TMEM108: variants seen among roughly 807,000 people sequenced by gnomAD.
TMEM108 encodes transmembrane protein 108.
TMEM108 carries 12 observed loss-of-function variants against 35.1 expected under a neutral mutation model. The ratio of observed to expected loss-of-function variants is 0.34; its 90% CI spans 0.22 to 0.55. The LOEUF (loss-of-function observed/expected upper bound fraction) is 0.55, where lower values mean the gene tolerates loss of function less well. TMEM108 is among the 20% of genes least tolerant of loss of function. TMEM108 has a pLI of 0.89. For synonymous variants in TMEM108, 287 were observed against 308.6 expected (o/e 0.93, Z 0.73); for missense variants, 680 against 753.3 (o/e 0.90, Z 1.14).
intron 2 of TMEM108, among the ~76,000 whole-genome samples, chr3:133,094,619 G>A (rs1405341260): frequency 1.3e-5 from 2 of 152,158 alleles, no homozygotes; most frequent in East Asian, 1.9e-4. Context: ...ATGGCACCCA[G>A]TAGACTTCTT....
intron 3 of TMEM108, among the ~76,000 whole-genome samples, chr3:133,259,519 A>G (rs2107674556): frequency 6.6e-6 from 1 of 152,376 alleles, no homozygotes; most frequent in East Asian, 1.9e-4. Flanking sequence ...CTGAGACTCA[A>G]TAAGGTTAAA....
chr3:133,056,273 G>T (rs1439442968), intron 2 of TMEM108, among the ~76,000 whole-genome samples: 2 of 152,054 alleles, frequency 1.3e-5, no homozygotes, highest in Non-Finnish European at 2.9e-5. Context: ...ACTGGTCCTT[G>T]GTCCCGTTCT....
chr3:133,213,860 T>C (rs1241187614), intron 2 of TMEM108, among the ~76,000 whole-genome samples: 1 of 152,186 alleles, frequency 6.6e-6, no homozygotes, highest in Non-Finnish European at 1.5e-5. Flanking sequence ...CTCAGATTCC[T>C]TTTAAAGAAG....
intron 2 of TMEM108, among the ~76,000 whole-genome samples, chr3:133,098,428 A>G (rs1460273387): frequency 1.3e-5 from 2 of 152,092 alleles, no homozygotes; most frequent in Non-Finnish European, 2.9e-5. Flanking sequence ...AAACCATATC[A>G]TTTTGCCCTT....
chr3:133,133,713 C>T (rs868400787), intron 2 of TMEM108, among the ~76,000 whole-genome samples: 11 of 140,446 alleles, frequency 7.8e-5, no homozygotes, highest in African/African-American at 2.4e-4. Context: ...TTTTTTTAGA[C>T]GGAGTCTCGC....
At chr3:133,374,368 A>G (rs776555898) in intron 3 of TMEM108, among the ~76,000 whole-genome samples, 7 of 152,186 alleles carry the variant, frequency 4.6e-5, no homozygotes, top group Non-Finnish European at 1.0e-4. Context: ...AATATCTTGC[A>G]GTAGAAAACC....
chr3:133,268,946 G>A (rs1250584350), intron 3 of TMEM108, among the ~76,000 whole-genome samples: 1 of 152,184 alleles, frequency 6.6e-6, no homozygotes, highest in Non-Finnish European at 1.5e-5. Flanking sequence ...TAACTACTGG[G>A]CTTCACACAG....
At chr3:133,254,713 A>G (rs1946520947) in intron 3 of TMEM108, among the ~76,000 whole-genome samples, 2 of 152,222 alleles carry the variant, frequency 1.3e-5, no homozygotes, top group African/African-American at 4.8e-5. Flanking sequence ...CTCATAATCT[A>G]TTAATGTTTA....
chr3:133,374,816 A>C (rs1048295786), intron 3 of TMEM108, among the ~76,000 whole-genome samples: 10 of 152,226 alleles, frequency 6.6e-5, no homozygotes, highest in Non-Finnish European at 1.2e-4. Context: ...AAGACAGAAG[A>C]AAAGTCAAGA....
chr3:133,079,571 C>G (rs1022291484), intron 2 of TMEM108, among the ~76,000 whole-genome samples: 3 of 152,180 alleles, frequency 2.0e-5, no homozygotes, highest in African/African-American at 7.2e-5. Flanking sequence ...TGGAGTCCCT[C>G]TTACAAGGGC....
intron 3 of TMEM108, chr3:133,253,487 T>C (rs1005412789): frequency 5.3e-5 from 8 of 152,128 alleles, no homozygotes; most frequent in African/African-American, 1.9e-4. Context: ...CAGAATGTCA[T>C]CAGATCTGCA....
chr3:133,212,058 C>G (rs1945841158), intron 2 of TMEM108, among the ~76,000 whole-genome samples: 1 of 152,158 alleles, frequency 6.6e-6, no homozygotes. Context: ...GGAGGACTTG[C>G]AGAATGCAGG....
At chr3:133,225,864 A>G (rs374296135) in intron 2 of TMEM108, among the ~76,000 whole-genome samples, 2 of 152,360 alleles carry the variant, frequency 1.3e-5, no homozygotes, top group African/African-American at 4.8e-5. Context: ...TGAAAAAACC[A>G]AACTCCATAA....
At chr3:133,092,267 C>A (rs1328828640) in intron 2 of TMEM108, among the ~76,000 whole-genome samples, 1 of 152,196 alleles carries the variant, frequency 6.6e-6, no homozygotes, top group Non-Finnish European at 1.5e-5. Flanking sequence ...TAGCAGATGT[C>A]TAGAACTTTC....
At chr3:133,307,409 C>A (rs2107708277) in intron 3 of TMEM108, among the ~76,000 whole-genome samples, 1 of 152,210 alleles carries the variant, frequency 6.6e-6, no homozygotes, top group Middle Eastern at 3.4e-3. Context: ...GCTTTTGTTG[C>A]CATTGCTTTT....
chr3:133,060,967 T>C (rs1336855540), intron 2 of TMEM108, among the ~76,000 whole-genome samples: 4 of 152,188 alleles, frequency 2.6e-5, no homozygotes, highest in African/African-American at 9.7e-5. Flanking sequence ...TTTTAAATGA[T>C]GTAGTAGTTC....
chr3:133,242,461 C>T (rs950066595), intron 3 of TMEM108, among the ~76,000 whole-genome samples: 2 of 152,186 alleles, frequency 1.3e-5, no homozygotes, highest in African/African-American at 4.8e-5. Context: ...AAGGCTACAA[C>T]TGGCAGGGAT....
intron 2 of TMEM108, among the ~76,000 whole-genome samples, chr3:133,130,735 A>C (rs1043687587): frequency 6.6e-6 from 1 of 152,172 alleles, no homozygotes; most frequent in East Asian, 1.9e-4. Flanking sequence ...AGTGGCCACT[A>C]TTGGAAGATA....
At chr3:133,372,411 G>C (rs114370160) in intron 3 of TMEM108, among the ~76,000 whole-genome samples, 1,584 of 152,236 alleles carry the variant, frequency 0.01, 33 homozygotes, top group African/African-American at 0.036. Context: ...ATTCTTCCCT[G>C]TTTCTTACCC....
Sources: allele counts gnomAD v4.1 joint callset (sites outside exome capture counted in the v4.1 genomes callset), GRCh38; gene constraint gnomAD v4.1.1; transcripts MANE v1.5; gene names NCBI Gene and HGNC (gene_info 2026-07-23, HGNC 2026-07-21).